Variants in NSUN3 observed in about 807,000 individuals in gnomAD.
The protein encoded by NSUN3 is tRNA (cytosine(34)-C(5))-methyltransferase, mitochondrial.
Under a neutral mutation model 36.8 loss-of-function variants are expected in NSUN3, and 24 were observed. The observed-to-expected ratio is 0.65, with a 90% CI of 0.47 to 0.92. The LOEUF (loss-of-function observed/expected upper bound fraction) is 0.92. Ranked by LOEUF, NSUN3 falls within the 40% of genes least tolerant of loss-of-function variation. The pLI, the probability that NSUN3 is intolerant of heterozygous loss-of-function variation, is 0.00. For missense variants in NSUN3, 381 were observed against 392.8 expected (o/e 0.97, Z 0.25); for synonymous variants, 146 against 145.2 (o/e 1.01, Z -0.04).
chr3:94,095,894 G>A (rs2107256501), intron 5 of NSUN3, among the ~76,000 whole-genome samples: 1 of 150,280 alleles, frequency 6.7e-6, no homozygotes, highest in East Asian at 2.0e-4. Flanking sequence ...TTACAGGTGT[G>A]CGCCACCAAG....
At chr3:94,083,016 T>A (rs2077276556) in intron 2 of NSUN3, among the ~76,000 whole-genome samples, 1 of 152,128 alleles carries the variant, frequency 6.6e-6, no homozygotes, top group Non-Finnish European at 1.5e-5. Context: ...CTCTAGGAAA[T>A]TGAATATTGT....
chr3:94,105,670 G>T (rs535431312), intron 5 of NSUN3, among the ~76,000 whole-genome samples: 1 of 151,970 alleles, frequency 6.6e-6, no homozygotes, highest in African/African-American at 2.4e-5. Context: ...ACCAAATCTA[G>T]CTAGAGGCAG....
At chr3:94,098,831 T>C (rs2077353562) in intron 5 of NSUN3, among the ~76,000 whole-genome samples, 1 of 152,170 alleles carries the variant, frequency 6.6e-6, no homozygotes, top group Non-Finnish European at 1.5e-5. Context: ...CTTGCCTGAC[T>C]TCCTAGGAGT....
At chr3:94,069,979 T>G (rs2077218772) in intron 2 of NSUN3, among the ~76,000 whole-genome samples, 1 of 152,242 alleles carries the variant, frequency 6.6e-6, no homozygotes, top group Non-Finnish European at 1.5e-5. Flanking sequence ...AATTTTTTTT[T>G]GGTCAGTTTT....
rs988192415 is a variant in NSUN3 at position 94,131,322 on chromosome 3, G to A, written c.*4832G>A. Among the ~76,000 whole-genome samples, 11 of 152,180 alleles carry A rather than the reference G, an allele frequency of 7.2e-5. No individual in the cohort carries two copies. The highest frequency in any genetic ancestry group is 1.9e-4 in the African/African-American group (8 of 41,502). The stretch of plus-strand genomic sequence containing the variant: ...TATTTCATAGTTAAAGGGTAGAGCC[G>A]CGATCAAAACTGGCTCCGAGGTCCA... On this transcript the variant is annotated 3_prime_UTR_variant, in exon 6 of 6. Coordinates refer to ENST00000314622, the MANE Select transcript of NSUN3 (RefSeq NM_022072.5).
At chr3:94,098,307 T>C (rs906392729) in intron 5 of NSUN3, among the ~76,000 whole-genome samples, 1 of 152,180 alleles carries the variant, frequency 6.6e-6, no homozygotes, top group African/African-American at 2.4e-5. Context: ...TATTGTCACC[T>C]AAATGATTTT....
intron 5 of NSUN3, among the ~76,000 whole-genome samples, chr3:94,116,289 A>T (rs1178149609): frequency 6.6e-6 from 1 of 152,188 alleles, no homozygotes; most frequent in Admixed American, 6.5e-5. Flanking sequence ...CCTTTCAAGG[A>T]TGGAGAACTT....
chr3:94,111,489 TA>T (rs2077417305), intron 5 of NSUN3, among the ~76,000 whole-genome samples: 1 of 152,212 alleles, frequency 6.6e-6, no homozygotes, highest in Non-Finnish European at 1.5e-5. Flanking sequence ...ACATTTCTAA[TA>T]CTAAGCTTAA....
rs937869986 is a variant in NSUN3, at chr3:94,131,772, G to A, written c.*5282G>A. ...ACCAACACATTAACTTCTCCCTGCC[G>A]TCCACACGCTGAACAGCCACTACTT... On this transcript the variant is annotated 3_prime_UTR_variant, in exon 6 of 6. Transcript: ENST00000314622. Among the ~76,000 whole-genome samples, 15 of 152,112 alleles carry A rather than the reference G, an allele frequency of 9.9e-5. No individual in the cohort carries two copies. Among genetic ancestry groups the A allele is most frequent in the Admixed American group, 1.3e-4 (2 of 15,270 alleles).
At chr3:94,065,021 C>A (rs1326591443) in intron 2 of NSUN3, among the ~76,000 whole-genome samples, 1 of 151,558 alleles carries the variant, frequency 6.6e-6, no homozygotes, top group African/African-American at 2.4e-5. Context: ...TGCATATACA[C>A]ACAAAATTAT....
chr3:94,116,913 A>T (rs1453359725), intron 5 of NSUN3, among the ~76,000 whole-genome samples: 2 of 149,118 alleles, frequency 1.3e-5, no homozygotes, highest in African/African-American at 4.9e-5. Flanking sequence ...ATACCACATG[A>T]GATAAGTCTT....
chr3:94,118,552 C>T (rs1426878599), intron 5 of NSUN3, among the ~76,000 whole-genome samples: 1 of 152,092 alleles, frequency 6.6e-6, no homozygotes, highest in African/African-American at 2.4e-5. Context: ...CGACATTACT[C>T]AGGATCTTGT....
chr3:94,109,727 G>A (rs553556456), intron 5 of NSUN3, among the ~76,000 whole-genome samples: 111 of 152,342 alleles, frequency 7.3e-4, no homozygotes, highest in African/African-American at 2.6e-3. Context: ...GATTCCTGGA[G>A]GAGCTGTGGG....
chr3:94,107,905 C>T (rs973154809), intron 5 of NSUN3, among the ~76,000 whole-genome samples: 3 of 151,704 alleles, frequency 2.0e-5, no homozygotes, highest in African/African-American at 7.3e-5. Flanking sequence ...TTATTTACGA[C>T]CCAGTTGGCA....
At chr3:94,117,000 T>C (rs1301573336) in intron 5 of NSUN3, among the ~76,000 whole-genome samples, 1 of 144,432 alleles carries the variant, frequency 6.9e-6, no homozygotes, top group East Asian at 2.0e-4. Flanking sequence ...TTTTTTTTTT[T>C]TTTTTTTTTT....
rs566372889 is a variant in NSUN3, at chr3:94,127,453, G to T, written c.*963G>T. Reference sequence around the variant, plus strand: ...AAGAGGGAGATGCCTAATGAGAGTGGACTGTGTGATTACCAGAACCCAGTG... The same window carrying T: ...AAGAGGGAGATGCCTAATGAGAGTGTACTGTGTGATTACCAGAACCCAGTG... On this transcript the variant is annotated 3_prime_UTR_variant, in exon 6 of 6. Coordinates refer to ENST00000314622, the MANE Select transcript of NSUN3 (RefSeq NM_022072.5). 7 of 152,068 alleles carry T rather than the reference G, an allele frequency of 4.6e-5. No individual in the cohort carries two copies. Among genetic ancestry groups the T allele is most frequent in the Non-Finnish European group, 1.0e-4 (7 of 68,024 alleles). 9.4% of individuals were successfully genotyped at this position (152,068 alleles called of 1,614,324 possible).
intron 3 of NSUN3, among the ~76,000 whole-genome samples, chr3:94,090,294 G>T (rs1208796529): frequency 6.6e-6 from 1 of 151,996 alleles, no homozygotes. Context: ...AACTTGCATT[G>T]TGACACTTTA....
chr3:94,110,278 T>A (rs1218664051), intron 5 of NSUN3, among the ~76,000 whole-genome samples: 2 of 152,006 alleles, frequency 1.3e-5, no homozygotes, highest in African/African-American at 4.8e-5. Flanking sequence ...GTGATAACTT[T>A]CAGTGATAGG....
rs1017404508 is a variant in NSUN3, at chr3:94,116,550, A to G, written c.744-9661A>G. On this transcript the variant is annotated intron_variant, in intron 5 of 5. Coordinates refer to ENST00000314622, the MANE Select transcript of NSUN3 (RefSeq NM_022072.5). ...GATTTGCCTATCTGATGCTTTTAAAAGTTAACATTTAAATGATTTACTTGC... is the reference window on the plus strand; with the variant it reads ...GATTTGCCTATCTGATGCTTTTAAAGGTTAACATTTAAATGATTTACTTGC... Among the ~76,000 whole-genome samples, 4 of 152,304 alleles carry G rather than the reference A, an allele frequency of 2.6e-5. 1 individual carries two copies. The highest frequency in any genetic ancestry group is 9.6e-5 in the African/African-American group (4 of 41,574).
Sources: allele counts gnomAD v4.1 joint callset (sites outside exome capture counted in the v4.1 genomes callset), GRCh38; gene constraint gnomAD v4.1.1; transcripts MANE v1.5; gene names NCBI Gene and HGNC (gene_info 2026-07-23, HGNC 2026-07-21).